Variants in ZBTB1 observed in about 807,000 individuals in gnomAD.
The protein encoded by ZBTB1 is zinc finger and BTB domain containing 1, also known as zinc finger and BTB domain-containing protein 1.
A neutral mutation model predicts 51.6 loss-of-function variants in ZBTB1; 13 were observed. The ratio of observed to expected loss-of-function variants is 0.25; its 90% CI spans 0.16 to 0.40. The LOEUF (loss-of-function observed/expected upper bound fraction) is 0.40, where lower values mean the gene tolerates loss of function less well. Among genes scored for constraint, ZBTB1 ranks in the 10% least tolerant of loss-of-function variants. The pLI is 1.00. For synonymous variants in ZBTB1, 240 were observed against 282.2 expected (o/e 0.85, Z 1.50); for missense variants, 567 against 856.5 (o/e 0.66, Z 4.22).
intron 1 of ZBTB1, among the ~76,000 whole-genome samples, chr14:64,508,146 TAGAA>T (rs2079686774): frequency 6.6e-6 from 1 of 152,182 alleles, no homozygotes; most frequent in African/African-American, 2.4e-5. Context: ...AAATAGTACA[TAGAA>T]AGTTAATTAC....
chr14:64,518,129 G>C (rs1276551911), intron 1 of ZBTB1, among the ~76,000 whole-genome samples: 2 of 151,992 alleles, frequency 1.3e-5, no homozygotes, highest in Non-Finnish European at 2.9e-5. Context: ...GAGCCACTGC[G>C]CCTGGCCCAG....
downstream of ZBTB1, among the ~76,000 whole-genome samples, chr14:64,526,196 G>T (rs745843054): frequency 6.6e-6 from 1 of 152,158 alleles, no homozygotes; most frequent in Non-Finnish European, 1.5e-5. Context: ...GGAAGCACAG[G>T]CTTCTCTAGA....
Position 64,521,948 on chromosome 14 carries a change from T to C in ZBTB1, c.444T>C (p.Thr148=), listed in dbSNP as rs769530319. 4 of 1,614,110 alleles carry C rather than the reference T, an allele frequency of 2.5e-6. No homozygotes were observed. In the African/African-American group the frequency reaches 4.0e-5, roughly 16 times the overall value. Residue 148 remains threonine, a synonymous_variant, in exon 2 of 2, where the codon ACT becomes ACC. Coordinates refer to ENST00000683701, the MANE Select transcript of ZBTB1 (RefSeq NM_001123329.2). Reference sequence around the variant, plus strand: ...TTGGGGTAAGAATGTATGAAGATACTGTGGCTCGAAATGGCAATGAAGCCA... The same window carrying C: ...TTGGGGTAAGAATGTATGAAGATACCGTGGCTCGAAATGGCAATGAAGCCA... ...MIFGVRMYED[T]VARNGNEANR... is the part of the protein sequence containing the mutation.
chr14:64,513,214 TCACA>T (rs935691104), intron 1 of ZBTB1, among the ~76,000 whole-genome samples: 1 of 151,906 alleles, frequency 6.6e-6, no homozygotes, highest in East Asian at 1.9e-4. Context: ...TGTGCATATC[TCACA>T]CATATATATT....
chr14:64,530,176 G>T (rs1294052565), intron 2 of ZBTB1, among the ~76,000 whole-genome samples: 2 of 152,066 alleles, frequency 1.3e-5, no homozygotes, highest in Non-Finnish European at 2.9e-5. Flanking sequence ...TAATGATCTG[G>T]CTACCGTCTG....
chr14:64,525,172 G>C (rs1442651069), downstream of ZBTB1, among the ~76,000 whole-genome samples: 1 of 152,182 alleles, frequency 6.6e-6, no homozygotes, highest in Non-Finnish European at 1.5e-5. Flanking sequence ...GGTGAGTACA[G>C]ATTTAGTTGA....
At chr14:64,505,052 T>G (rs940861119) in intron 1 of ZBTB1, 106 bp downstream of exon 1, 9 of 373,924 alleles carry the variant, frequency 2.4e-5, no homozygotes, top group Admixed American at 1.4e-4. Context: ...CGCCGATCCG[T>G]GCGGGGAGCC....
chr14:64,505,176 C>G (rs2079626742), intron 1 of ZBTB1: 2 of 331,620 alleles, frequency 6.0e-6, no homozygotes, highest in Non-Finnish European at 1.1e-5. Flanking sequence ...GAGGCGAAGC[C>G]CCTACGGAGA....
intron 1 of ZBTB1, among the ~76,000 whole-genome samples, chr14:64,513,366 A>G (rs1421886353): frequency 6.6e-6 from 1 of 151,988 alleles, no homozygotes; most frequent in African/African-American, 2.4e-5. Flanking sequence ...TCATATTATT[A>G]TTGTATTACA....
In ZBTB1 at chr14:64,523,318, AGTTT is replaced by A. The variant is rs1227705202; in HGVS notation, c.1821_1824del (p.Cys608LysfsTer8). 9 of 1,614,104 alleles carry A rather than the reference AGTTT, an allele frequency of 5.6e-6. No individual in the cohort carries two copies. The highest frequency in any genetic ancestry group is 1.3e-5 in the African/African-American group (1 of 74,938). On this transcript the variant is annotated frameshift_variant, in exon 2 of 2. Coordinates refer to ENST00000683701, the MANE Select transcript of ZBTB1 (RefSeq NM_001123329.2). LOFTEE classifies it high-confidence loss of function. The surrounding 1 kb of genome is among the most constrained non-coding windows in gnomAD (Gnocchi z 4.5). The stretch of plus-strand genomic sequence containing the variant: ...TATACTGTTCATACTAAGGAAAAAC[AGTTT>A]GTTTGTCAAACATGTGGAAAGCAGT...
chr14:64,519,102 G>C (rs1399118722), intron 1 of ZBTB1, among the ~76,000 whole-genome samples: 1 of 149,882 alleles, frequency 6.7e-6, no homozygotes, highest in Non-Finnish European at 1.5e-5. Flanking sequence ...TGTGTGATCT[G>C]AGGTGTGTTT....
chr14:64,506,098 A>G (rs1471876648), intron 1 of ZBTB1, among the ~76,000 whole-genome samples: 1 of 152,258 alleles, frequency 6.6e-6, no homozygotes, highest in Admixed American at 6.5e-5. Flanking sequence ...GTACAAAAAG[A>G]TGAGGCTTGA....
intron 1 of ZBTB1, among the ~76,000 whole-genome samples, chr14:64,517,781 A>ATATATATATATATATATATTTT (rs1160337478): frequency 2.4e-5 from 1 of 41,560 alleles, no homozygotes; most frequent in African/African-American, 8.9e-5. Flanking sequence ...ATATATATAT[A>ATATATATATATATATATATTTT]TTTTTTTTTT....
At chr14:64,528,511 G>T (rs1223774770), downstream of ZBTB1, among the ~76,000 whole-genome samples, 1 of 152,050 alleles carries the variant, frequency 6.6e-6, no homozygotes, top group Non-Finnish European at 1.5e-5. Flanking sequence ...GTACCAAAAA[G>T]CTCTGGGGGA....
rs780113728 is a variant in ZBTB1 at position 64,521,684 on chromosome 14, T to G, written c.180T>G (p.Thr60=). The change falls in exon 2 of 2, where the codon ACT becomes ACG. Residue 60 remains threonine, a synonymous_variant. Transcript: ENST00000683701. ...TTTTCATGAACCATCAGCATAGTAC[T>G]GCACAACTGAATCTCAGCAACATGA... ...RMFFMNHQHS[T]AQLNLSNMKI... The G allele has an allele frequency of 3.7e-6, 6 of 1,614,206 alleles. No homozygotes were observed. The highest frequency in any genetic ancestry group is 5.1e-6 in the Non-Finnish European group (6 of 1,180,046).
intron 2 of ZBTB1, among the ~76,000 whole-genome samples, chr14:64,531,387 A>G (rs2079940946): frequency 6.6e-6 from 1 of 151,990 alleles, no homozygotes. Flanking sequence ...TTGTGCGTGT[A>G]TGTGTGTGTG....
Position 64,524,757 on chromosome 14 carries a change from A to AT in ZBTB1, c.*1118dup, listed in dbSNP as rs948884416. 15 of 981,606 alleles carry AT rather than the reference A, an allele frequency of 1.5e-5. No individual in the cohort carries two copies. The East Asian group carries it at 3.4e-4, about 22-fold the overall frequency. The allele number at this position is 981,606 out of a possible 1,614,324, so 60.8% of individuals were successfully genotyped here. ...CAGTTTATCGCCATATTTTATTATCATTTTTTTCTGTAAAAGACTATAAAA... is the reference window on the plus strand; with the variant it reads ...CAGTTTATCGCCATATTTTATTATCATTTTTTTTCTGTAAAAGACTATAAAA... On this transcript the variant is annotated 3_prime_UTR_variant, in exon 2 of 2. Transcript: ENST00000683701.
chr14:64,511,546 A>G (rs1216054148), intron 1 of ZBTB1, among the ~76,000 whole-genome samples: 1 of 144,786 alleles, frequency 6.9e-6, no homozygotes, highest in African/African-American at 2.4e-5. Flanking sequence ...TTAAAACTTT[A>G]CATCTTATGA....
downstream of ZBTB1, chr14:64,524,978 T>C: frequency 3.1e-6 from 3 of 962,036 alleles, no homozygotes; most frequent in Non-Finnish European, 3.7e-6. Flanking sequence ...TTACTTGCAA[T>C]GTAGTACCCT....
Sources: allele counts gnomAD v4.1 joint callset (sites outside exome capture counted in the v4.1 genomes callset), GRCh38; gene constraint gnomAD v4.1.1; non-coding constraint Gnocchi (gnomAD v3.1); transcripts MANE v1.5; gene names NCBI Gene and HGNC (gene_info 2026-07-23, HGNC 2026-07-21).